ATIC: variants seen among roughly 807,000 people sequenced by gnomAD.
The protein encoded by ATIC is bifunctional purine biosynthesis protein ATIC.
A neutral mutation model predicts 72.5 loss-of-function variants in ATIC; 64 were observed. The ratio of observed to expected loss-of-function variants is 0.88; its 90% CI spans 0.72 to 1.09. The LOEUF is 1.09. Among genes scored for constraint, ATIC ranks in the 50% least tolerant of loss-of-function variants. The pLI, the probability that ATIC is intolerant of heterozygous loss-of-function variation, is 0.00. For missense variants in ATIC, 787 were observed against 732.4 expected (o/e 1.07, Z -0.86); for synonymous variants, 281 against 267.1 (o/e 1.05, Z -0.51).
intron 6 of ATIC, 90 bp downstream of exon 6, chr2:215,326,228 T>G (rs1018257610): frequency 1.3e-6 from 2 of 1,481,564 alleles, no homozygotes; most frequent in African/African-American, 2.8e-5. Flanking sequence ...GTAGATTGCA[T>G]TACCTACCAA....
intron 2 of ATIC, among the ~76,000 whole-genome samples, chr2:215,317,457 TCACTCAC>T (rs1330030968): frequency 4.0e-4 from 61 of 152,286 alleles, no homozygotes; most frequent in African/African-American, 1.4e-3. Flanking sequence ...TTTTATGTCT[TCACTCAC>T]TTGATATGCC....
Position 215,325,253 on chromosome 2 carries a change from C to A in ATIC, c.303C>A (p.Cys101Ter). The change falls in exon 5 of 16, where the codon TGC becomes TGA. Residue 101 changes from cysteine to a stop codon, truncating the protein, a stop_gained. Coordinates refer to ENST00000236959, the MANE Select transcript of ATIC (RefSeq NM_004044.7). LOFTEE classifies it high-confidence loss of function. ...CTTTGTTTTATAGAGTTGTTGCCTG[C>A]AATCTCTATCCCTTTGTAAAGACAG... ...LDFNLIRVVA[C>*]NLYPFVKTVA... The A allele has an allele frequency of 1.2e-6, 2 of 1,613,504 alleles. No homozygotes were observed. Among genetic ancestry groups the A allele is most frequent in the Non-Finnish European group, 1.7e-6 (2 of 1,179,488 alleles).
At chr2:215,365,428 T>C in the ATIC span, 2 of 1,474,820 alleles carry the variant, frequency 1.4e-6, no homozygotes, top group Non-Finnish European at 1.9e-6. Context: ...CAATCATTTC[T>C]GTGAATGAGA....
intron 9 of ATIC, among the ~76,000 whole-genome samples, chr2:215,334,601 A>G (rs12469855): frequency 0.22 from 33,496 of 152,078 alleles, 3,910 homozygotes; most frequent in East Asian, 0.5. Flanking sequence ...TTGAGAAACT[A>G]TTACCATAGT....
the ATIC span, chr2:215,367,676 C>T: frequency 4.6e-6 from 3 of 653,864 alleles, no homozygotes; most frequent in Non-Finnish European, 8.2e-6. Context: ...GAAGCAATGT[C>T]CAACAAGTAA....
chr2:215,325,672 C>G (rs2052815516), intron 5 of ATIC, among the ~76,000 whole-genome samples: 1 of 152,104 alleles, frequency 6.6e-6, no homozygotes, highest in Non-Finnish European at 1.5e-5. Flanking sequence ...AAGTGATTCT[C>G]TTGCCTCAGC....
chr2:215,339,820 T>C (rs2052999464), intron 12 of ATIC, among the ~76,000 whole-genome samples: 1 of 152,036 alleles, frequency 6.6e-6, no homozygotes, highest in African/African-American at 2.4e-5. Flanking sequence ...GTATTTTTAG[T>C]AGAGACGGTG....
chr2:215,331,383 T>TG lies in ATIC; in HGVS notation c.689-999_689-998insG, dbSNP rs201098904. On this transcript the variant is annotated intron_variant, in intron 7 of 15. Transcript: ENST00000236959. ...AATTACACATTTTTGTTTTTTGGGTTTTTTTTTTTTTTTTTTGAGACGGAG... is the reference window on the plus strand; with the variant it reads ...AATTACACATTTTTGTTTTTTGGGTTGTTTTTTTTTTTTTTTTGAGACGGAG... Among the ~76,000 whole-genome samples the TG allele has an allele frequency of 6.3e-3, 254 of 40,560 alleles. 1 individual carries two copies. The highest frequency in any genetic ancestry group is 0.016 in the African/African-American group (202 of 12,262). 26.6% of individuals were successfully genotyped at this position (40,560 alleles called of 152,430 possible).
chr2:215,336,443 C>T (rs2052956015), intron 11 of ATIC, among the ~76,000 whole-genome samples: 1 of 152,172 alleles, frequency 6.6e-6, no homozygotes, highest in Non-Finnish European at 1.5e-5. Flanking sequence ...CTGTGAATAA[C>T]GACTGCACTC....
intron 7 of ATIC, among the ~76,000 whole-genome samples, chr2:215,332,131 CGT>C (rs71044585): frequency 0.11 from 15,653 of 141,838 alleles, 877 homozygotes; most frequent in Middle Eastern, 0.17. Context: ...GTCCTCCAGT[CGT>C]GTGTGTGTGT....
At chr2:215,329,832 G>A (rs1338289947) in intron 7 of ATIC, among the ~76,000 whole-genome samples, 3 of 151,868 alleles carry the variant, frequency 2.0e-5, no homozygotes, top group Admixed American at 6.6e-5. Flanking sequence ...GCATGATCTC[G>A]GCTCACCACA....
chr2:215,319,204 TTTTG>T (rs1313991506), intron 3 of ATIC, among the ~76,000 whole-genome samples: 1 of 152,176 alleles, frequency 6.6e-6, no homozygotes, highest in African/African-American at 2.4e-5. Context: ...ATCCTAATTT[TTTTG>T]TTTGATAACT....
At chr2:215,319,092 G>T (rs1484181756) in intron 3 of ATIC, among the ~76,000 whole-genome samples, 1 of 151,974 alleles carries the variant, frequency 6.6e-6, no homozygotes, top group Non-Finnish European at 1.5e-5. Flanking sequence ...TGTTGCCCAG[G>T]CTGGTCTCGA....
chr2:215,326,288 A>G, intron 6 of ATIC, 150 bp downstream of exon 6: 2 of 1,048,054 alleles, frequency 1.9e-6, no homozygotes, highest in Non-Finnish European at 2.8e-6. Flanking sequence ...GAAACCAGCT[A>G]TTACAGAGGT....
chr2:215,324,045 C>T (rs569406574), intron 4 of ATIC, among the ~76,000 whole-genome samples: 28 of 151,654 alleles, frequency 1.8e-4, no homozygotes, highest in East Asian at 7.8e-4. Context: ...TGCAGGCGTG[C>T]GCCACCTTGC....
At chr2:215,347,112 C>G in intron 14 of ATIC, 171 bp downstream of exon 14, 2 of 886,684 alleles carry the variant, frequency 2.3e-6, no homozygotes, top group East Asian at 2.7e-5. Flanking sequence ...GTTCTTCTGT[C>G]TCATGTAACT....
rs768143594 is a variant in ATIC, at chr2:215,312,571, G to A, written c.93G>A (p.Leu31=). ...ARNLTALGLN[L]VASGGTAKAL... ...ACCTGACCGCTCTTGGTTTGAATCT[G>A]GTCGCTTCCGGAGGGACTGCAAAAG... Residue 31 remains leucine, a synonymous_variant, in exon 2 of 16, where the codon CTG becomes CTA. Transcript: ENST00000236959. The A allele has an allele frequency of 2.4e-5, 39 of 1,614,102 alleles. No individual in the cohort carries two copies. The highest frequency in any genetic ancestry group is 3.3e-5 in the Non-Finnish European group (39 of 1,180,048).
the ATIC span, chr2:215,361,688 A>C: frequency 7.6e-7 from 1 of 1,313,222 alleles, no homozygotes; most frequent in Non-Finnish European, 1.1e-6. Flanking sequence ...TACAGAAAAA[A>C]AAATGCGGGG....
intron 5 of ATIC, among the ~76,000 whole-genome samples, 177 bp downstream of exon 5, chr2:215,325,506 C>CT (rs1229101648): frequency 6.6e-6 from 1 of 151,600 alleles, no homozygotes; most frequent in Non-Finnish European, 1.5e-5. Context: ...ATTTTCTAAG[C>CT]TTTTTTTGTA....
Sources: gnomAD v4.1 joint callset for allele counts (sites outside exome capture counted in the v4.1 genomes callset) on GRCh38, gnomAD v4.1.1 for gene constraint, MANE v1.5 for transcripts, NCBI Gene and HGNC (gene_info 2026-07-23, HGNC 2026-07-21) for gene names.